AHDC1: variants seen among roughly 807,000 people sequenced by gnomAD.
AHDC1 encodes transcription factor Gibbin.
In AHDC1, 7 loss-of-function variants were observed where a neutral mutation model predicts 87.9. The observed-to-expected ratio is 0.08, with a 90% CI of 0.05 to 0.15. The LOEUF (loss-of-function observed/expected upper bound fraction) is 0.15. Among genes scored for constraint, AHDC1 ranks in the 10% least tolerant of loss-of-function variants. AHDC1 has a pLI of 1.00. For synonymous variants in AHDC1, 1,051 were observed against 1,006.8 expected, an observed-to-expected ratio of 1.04 and a Z score of -0.83; for missense variants, 1,841 against 2,253.2, an observed-to-expected ratio of 0.82 and a Z score of 3.70.
intron 3 of AHDC1, among the ~76,000 whole-genome samples, chr1:27,597,292 G>A (rs2089401473): frequency 6.6e-6 from 1 of 152,204 alleles, no homozygotes; most frequent in Non-Finnish European, 1.5e-5. Context: ...ATGTTCGTGA[G>A]ATGCAGAATG....
rs761339410 is a variant in AHDC1 at position 27,549,322 on chromosome 1, T to G, written c.2794A>C (p.Thr932Pro). The G allele has an allele frequency of 1.2e-6, 2 of 1,609,486 alleles. No homozygotes were observed. The highest frequency in any genetic ancestry group is 1.7e-6 in the Non-Finnish European group (2 of 1,177,144). ...PPGRAASYGL[T>P]PAASDCRAAE... ...GCCCGGCAGTCTGAAGCGGCTGGAG[T>G]TAGCCCATAGCTTGCTGCTCGTCCT... The change falls in exon 8 of 9, where the codon ACT (threonine) becomes CCT (proline). Residue 932 changes from threonine (T) to proline (P), a missense_variant. This residue lies in a region of AHDC1 where 378 missense variants were observed against 399.0 expected (regional missense o/e 0.95). Transcript: ENST00000673934.
intron 3 of AHDC1, among the ~76,000 whole-genome samples, chr1:27,602,373 T>A (rs566782321): frequency 1.3e-5 from 2 of 152,062 alleles, no homozygotes; most frequent in South Asian, 4.1e-4. Context: ...GCTGGCCCCT[T>A]CGCCTGGCAG....
At chr1:27,602,995 C>G (rs1249985706) in intron 3 of AHDC1, among the ~76,000 whole-genome samples, 3 of 143,084 alleles carry the variant, frequency 2.1e-5, no homozygotes, top group East Asian at 2.4e-4. Context: ...TTCCCCCCCC[C>G]CCCACATTCT....
At chr1:27,599,982 G>A (rs1274314606) in intron 3 of AHDC1, among the ~76,000 whole-genome samples, 1 of 152,008 alleles carries the variant, frequency 6.6e-6, no homozygotes, top group African/African-American at 2.4e-5. Context: ...GATCTTGGGT[G>A]AGAGGACCTC....
intron 3 of AHDC1, among the ~76,000 whole-genome samples, chr1:27,564,799 C>G (rs2020246798): frequency 1.3e-5 from 2 of 152,164 alleles, no homozygotes. Flanking sequence ...AGAGGAGTGG[C>G]TCTAAGGGGA....
rs115979005 is a variant in AHDC1, at chr1:27,552,139, G to A, written c.-24C>T. 1,364 of 1,436,830 alleles carry A rather than the reference G, an allele frequency of 9.5e-4. 12 individuals carry two copies. The African/African-American group carries it at 0.016, about 17-fold the overall frequency. The allele number at this position is 1,436,830 out of a possible 1,614,324, so 89.0% of individuals were successfully genotyped here. Reference sequence around the variant, plus strand: ...ATCCTGACCTTGTCCTCCGCAGGCCGCCGGGCGGGGCCGGGGCTGACATGA... The same window carrying A: ...ATCCTGACCTTGTCCTCCGCAGGCCACCGGGCGGGGCCGGGGCTGACATGA... On this transcript the variant is annotated 5_prime_UTR_variant, in exon 8 of 9. Transcript: ENST00000673934.
chr1:27,579,867 C>A (rs2088859762), intron 3 of AHDC1, among the ~76,000 whole-genome samples: 1 of 152,154 alleles, frequency 6.6e-6, no homozygotes, highest in African/African-American at 2.4e-5. Flanking sequence ...CAAATCCAAC[C>A]CACTATAAAT....
intron 3 of AHDC1, among the ~76,000 whole-genome samples, chr1:27,599,588 C>T (rs181992277): frequency 2.0e-5 from 3 of 152,300 alleles, no homozygotes; most frequent in African/African-American, 4.8e-5. Flanking sequence ...GCAAGTGGCT[C>T]CTCTCCCTAG....
intron 3 of AHDC1, among the ~76,000 whole-genome samples, chr1:27,580,527 T>C (rs1363997898): frequency 6.6e-6 from 1 of 152,238 alleles, no homozygotes; most frequent in African/African-American, 2.4e-5. Flanking sequence ...CCTAGAATCC[T>C]TGGCTAACCT....
rs373450165 is a variant in AHDC1 at position 27,551,772 on chromosome 1, C to A, written c.344G>T (p.Arg115Leu). 1 of 1,613,382 alleles carries A rather than the reference C, an allele frequency of 6.2e-7. No individual in the cohort carries two copies. The highest frequency in any genetic ancestry group is 1.3e-5 in the African/African-American group (1 of 74,828). Residue 115 changes from arginine (R) to leucine (L), a missense_variant, in exon 8 of 9, where the codon CGG becomes CTG. Around this residue, in one of 13 missense-constraint regions of AHDC1, gnomAD observed 50 missense variants for 104.3 expected, o/e 0.48. Transcript: ENST00000673934. ...SSSRRCWDNG[R>L]VNLRPVVQLI... ...CTGCACCACTGGTCGCAGGTTCACCCGCCCGTTGTCCCAGCAGCGTCGGGA... is the reference window on the plus strand; with the variant it reads ...CTGCACCACTGGTCGCAGGTTCACCAGCCCGTTGTCCCAGCAGCGTCGGGA...
intron 8 of AHDC1, among the ~76,000 whole-genome samples, chr1:27,545,179 A>G (rs1367335061): frequency 1.3e-5 from 2 of 151,760 alleles, no homozygotes; most frequent in African/African-American, 2.4e-5. Context: ...TGCTTCCCAC[A>G]GCTGGAATCA....
At position 27,550,929 on chromosome 1, in the gene AHDC1, C is replaced by T. The variant is rs567181933; in HGVS notation, c.1187G>A (p.Arg396Gln). The change falls in exon 8 of 9, where the codon CGG (arginine) becomes CAG (glutamine). Residue 396 changes from arginine (R) to glutamine (Q), a missense_variant. Arg to Gln is a conservative substitution (Grantham distance 43, BLOSUM62 1). Transcript: ENST00000673934. ...RTDRPKILCR[R>Q]RKAGRGRKAD... ...CTTGCGTCCCCGTCCGGCTTTCCGCCGGCGACACAGGATCTTTGGCCTATC... is the reference window on the plus strand; with the variant it reads ...CTTGCGTCCCCGTCCGGCTTTCCGCTGGCGACACAGGATCTTTGGCCTATC... 37 of 1,598,360 alleles carry T rather than the reference C, an allele frequency of 2.3e-5. No homozygotes were observed. The African/African-American group carries it at 2.9e-4, about 13-fold the overall frequency.
At chr1:27,554,616 A>G (rs759016556) in intron 5 of AHDC1, among the ~76,000 whole-genome samples, 1 of 152,184 alleles carries the variant, frequency 6.6e-6, no homozygotes, top group Non-Finnish European at 1.5e-5. Context: ...GATCTCAGGG[A>G]GCAGGGAGCT....
chr1:27,591,589 GT>G (rs1338885987), intron 3 of AHDC1, among the ~76,000 whole-genome samples: 2 of 152,248 alleles, frequency 1.3e-5, no homozygotes, highest in African/African-American at 4.8e-5. Flanking sequence ...GAGCTGAAGA[GT>G]TTATGGTGAT....
chr1:27,538,528 T>C (rs1466740745), intron 8 of AHDC1, among the ~76,000 whole-genome samples: 1 of 151,778 alleles, frequency 6.6e-6, no homozygotes, highest in Non-Finnish European at 1.5e-5. Context: ...TTTTGTTTTT[T>C]TTTTGAGACA....
At position 27,593,338 on chromosome 1, in the gene AHDC1, C is replaced by T. The variant is rs754055966; in HGVS notation, c.-629+10059G>A. ...AGCAATCTTTAAAATTCCTCCAGCCCAACCTCTCTCCCTCTCTCCCTGCAG... is the reference window on the plus strand; with the variant it reads ...AGCAATCTTTAAAATTCCTCCAGCCTAACCTCTCTCCCTCTCTCCCTGCAG... On this transcript the variant is annotated intron_variant, in intron 3 of 8. Transcript: ENST00000673934. This position sits in a 1 kb window ranked among gnomAD's most constrained non-coding sequence, Gnocchi z 4.9. Among the ~76,000 whole-genome samples, 14 of 152,182 alleles carry T rather than the reference C, an allele frequency of 9.2e-5. No individual in the cohort carries two copies. The highest frequency in any genetic ancestry group is 1.9e-4 in the Non-Finnish European group (13 of 68,012).
Position 27,558,977 on chromosome 1 carries a change from T to A in AHDC1, c.-628-94A>T. 1 of 397,612 alleles carries A rather than the reference T, an allele frequency of 2.5e-6. No individual in the cohort carries two copies. Among genetic ancestry groups the A allele is most frequent in the Non-Finnish European group, 4.4e-6 (1 of 225,812 alleles). The allele number at this position is 397,612 out of a possible 1,614,324, so 24.6% of individuals were successfully genotyped here. A position where few individuals can be genotyped will look rare whatever the true frequency, so the allele number is the denominator to read the frequency against. ...GCAGGCGGACACTGAGCCAGGAAGC[T>A]CTCCTACATGGAGTCCCATCCACCT... On this transcript the variant is annotated intron_variant, in intron 3 of 8. Coordinates refer to ENST00000673934, the MANE Select transcript of AHDC1 (RefSeq NM_001371928.1). The surrounding 1 kb of genome is among the most constrained non-coding windows in gnomAD (Gnocchi z 5.6).
chr1:27,540,702 G>T (rs1327669965), intron 8 of AHDC1, among the ~76,000 whole-genome samples: 3 of 152,082 alleles, frequency 2.0e-5, no homozygotes, highest in Non-Finnish European at 4.4e-5. Context: ...GGGCACCTTT[G>T]GGAGCCAGCC....
At chr1:27,553,380 A>G (rs1488187532) in intron 5 of AHDC1, 195 bp from the exon 6 acceptor site, 1 of 152,234 alleles carries the variant, frequency 6.6e-6, no homozygotes, top group African/African-American at 2.4e-5. Context: ...TCATACACTC[A>G]TTAGTTATAA....
Sources: allele counts gnomAD v4.1 joint callset (sites outside exome capture counted in the v4.1 genomes callset), GRCh38; gene constraint gnomAD v4.1.1; regional missense constraint gnomAD v4.1.1; non-coding constraint Gnocchi (gnomAD v3.1); transcripts MANE v1.5; gene names NCBI Gene and HGNC (gene_info 2026-07-23, HGNC 2026-07-21).